TLE6: variants seen among roughly 807,000 people sequenced by gnomAD.
TLE6 encodes transducin-like enhancer protein 6.
TLE6 carries 72 observed loss-of-function variants against 77.1 expected under a neutral mutation model. The observed-to-expected ratio is 0.93, with a 90% CI of 0.77 to 1.14. TLE6 has a LOEUF of 1.14. Among genes scored for constraint, TLE6 ranks in the 50% most tolerant of loss-of-function variants. The probability of loss-of-function intolerance (pLI) is 0.00; values close to 1 mark genes in which losing one functional copy is unlikely to be tolerated. For synonymous variants in TLE6, 366 were observed against 287.3 expected (o/e 1.27, Z -2.77); for missense variants, 843 against 747.6 (o/e 1.13, Z -1.49).
intron 3 of TLE6, 129 bp downstream of exon 3, chr19:2,980,311 T>C (rs1355609169): frequency 3.1e-6 from 2 of 649,514 alleles, no homozygotes; most frequent in Non-Finnish European, 5.2e-6. Flanking sequence ...CAGGAAGCCA[T>C]GCAGATACCC....
rs1396227786 is a variant in TLE6, at chr19:2,988,140, C to T, written c.740+12C>T. 9 of 1,551,528 alleles carry T rather than the reference C, an allele frequency of 5.8e-6. No individual in the cohort carries two copies. In the South Asian group the frequency reaches 1.1e-4, roughly 18 times the overall value. On this transcript the variant is annotated intron_variant, in intron 11 of 16. Coordinates refer to ENST00000246112, the MANE Select transcript of TLE6 (RefSeq NM_001143986.2). ...TTTCTACAGTCCATGTAAGTGTCTG[C>T]ACTGTTTGCTTTTGGGCGGGGTGAG...
chr19:2,983,887 G>T (rs909031389), intron 5 of TLE6: 3 of 152,644 alleles, frequency 2.0e-5, no homozygotes, highest in African/African-American at 7.2e-5. Flanking sequence ...GAACTTGACC[G>T]CAGCTGCTGA....
chr19:2,991,037 C>CATACATATATAT (rs2089041999), intron 13 of TLE6, among the ~76,000 whole-genome samples: 1 of 72,842 alleles, frequency 1.4e-5, no homozygotes, highest in Admixed American at 1.1e-4. Flanking sequence ...TACATACATA[C>CATACATATATAT]ATACATATAT....
intron 12 of TLE6, 57 bp downstream of exon 12, chr19:2,989,370 G>A (rs2088991063): frequency 5.6e-6 from 9 of 1,601,362 alleles, no homozygotes; most frequent in Non-Finnish European, 7.7e-6. Flanking sequence ...GGGGTTTGAG[G>A]TTTGAGTCTG....
At chr19:2,979,617 C>T (rs189416555) in intron 2 of TLE6, among the ~76,000 whole-genome samples, 39 of 151,942 alleles carry the variant, frequency 2.6e-4, no homozygotes, top group African/African-American at 8.0e-4. Context: ...AGACTTTAGG[C>T]CAAAGTGCAA....
At position 2,989,741 on chromosome 19, in the gene TLE6, T is replaced by C; in HGVS notation, c.1200T>C (p.Ser400=). The C allele has an allele frequency of 6.2e-7, 1 of 1,614,080 alleles. No homozygotes were observed. Among genetic ancestry groups the C allele is most frequent in the Non-Finnish European group, 8.5e-7 (1 of 1,180,006 alleles). Residue 400 remains serine, a synonymous_variant, in exon 13 of 17, where the codon AGT becomes AGC. Transcript: ENST00000246112. The part of the protein sequence containing the change: ...DANLAFASFT[S]GVVRIWDLRD... ...ACCTGGCCTTCGCCAGCTTCACCAG[T>C]GGTGTGGTCAGGATCTGGGACCTGC...
chr19:2,978,241 C>G lies in TLE6; in HGVS notation c.8C>G (p.Ser3Cys). 3 of 1,551,482 alleles carry G rather than the reference C, an allele frequency of 1.9e-6. No individual in the cohort carries two copies. The highest frequency in any genetic ancestry group is 2.6e-6 in the Non-Finnish European group (3 of 1,146,958). The change falls in exon 2 of 17, where the codon TCT (serine) becomes TGT (cysteine). Residue 3 changes from serine (S) to cysteine (C), a missense_variant. Coordinates refer to ENST00000246112, the MANE Select transcript of TLE6 (RefSeq NM_001143986.2). The stretch of plus-strand genomic sequence containing the variant: ...GAGGCTACTGCCTTGAAGATGACCT[C>G]TAGGGACCAGCCCAGACCCAAGGGC... MT[S>C]RDQPRPKGPP...
At chr19:2,977,985 C>T (rs1033098273) in intron 1 of TLE6, among the ~76,000 whole-genome samples, 3 of 152,108 alleles carry the variant, frequency 2.0e-5, no homozygotes, top group African/African-American at 7.2e-5. Flanking sequence ...AGGCAAGGCT[C>T]AGTTCTTTCT....
At chr19:2,989,909 C>G (rs1371069724) in intron 13 of TLE6, 124 bp downstream of exon 13, 1 of 1,355,782 alleles carries the variant, frequency 7.4e-7, no homozygotes, top group South Asian at 1.4e-5. Flanking sequence ...ATATAGCACT[C>G]TCCCAGCCAA....
At chr19:2,993,934 AAAAAAAAAG>A (rs887517388) in intron 15 of TLE6, 76 bp from the exon 16 acceptor site, 21 of 922,684 alleles carry the variant, frequency 2.3e-5, no homozygotes, top group African/African-American at 2.0e-4. Context: ...AAAAAAAAAA[AAAAAAAAAG>A]GTGGGTGGGG....
chr19:2,991,226 GCC>G (rs1221670231), intron 13 of TLE6, among the ~76,000 whole-genome samples: 13 of 151,122 alleles, frequency 8.6e-5, no homozygotes, highest in African/African-American at 3.2e-4. Flanking sequence ...AGGCGTGGTG[GCC>G]CATGCCTGTA....
chr19:2,989,495 C>T lies in TLE6; in HGVS notation c.994-40C>T, dbSNP rs762208046. On this transcript the variant is annotated intron_variant, in intron 12 of 16. Transcript: ENST00000246112. ...AGGCAAAGCAGTCCAGGCAGAATGC[C>T]ACGGGGGGCGACAGCTCACAGTGAC... 7 of 1,590,126 alleles carry T rather than the reference C, an allele frequency of 4.4e-6. No homozygotes were observed. In the East Asian group the frequency reaches 9.0e-5, roughly 20 times the overall value.
At chr19:2,993,616 T>G (rs1415955374) in intron 15 of TLE6, 34 bp downstream of exon 15, 5 of 1,529,172 alleles carry the variant, frequency 3.3e-6, no homozygotes, top group Non-Finnish European at 3.5e-6. Flanking sequence ...GGGACTCCCC[T>G]GCAGCCCCCA....
In TLE6 at chr19:2,994,037, T is replaced by C. The variant is rs746651067; in HGVS notation, c.1556T>C (p.Val519Ala). The stretch of plus-strand genomic sequence containing the variant: ...CTCCCAGGCCAGTGGTGGGCAAGCG[T>C]TGGAATGGACGACTTCCTTGGCGTC... Reference protein sequence around the residue: ...FSPFGQWWASVGMDDFLGVYS... With the variant: ...FSPFGQWWASAGMDDFLGVYS... The change falls in exon 16 of 17, where the codon GTT becomes GCT. Residue 519 changes from valine (V) to alanine (A), a missense_variant. Val to Ala is a moderately conservative substitution (Grantham distance 64). Transcript: ENST00000246112. 42 of 1,606,616 alleles carry C rather than the reference T, an allele frequency of 2.6e-5. No homozygotes were observed. Among genetic ancestry groups the C allele is most frequent in the Non-Finnish European group, 3.2e-5 (38 of 1,177,426 alleles).
chr19:2,994,815 A>G (rs2089172518), intron 16 of TLE6, 85 bp from the exon 17 acceptor site: 2 of 731,892 alleles, frequency 2.7e-6, no homozygotes, highest in East Asian at 5.7e-5. Context: ...CTTTGAAGAG[A>G]CGATGCTTCA....
intron 8 of TLE6, 37 bp downstream of exon 8, chr19:2,987,409 G>A: frequency 1.2e-6 from 2 of 1,612,524 alleles, no homozygotes; most frequent in Non-Finnish European, 1.7e-6. Flanking sequence ...AGAGGGGTGG[G>A]CTTCCGGGCA....
In TLE6 at chr19:2,989,622, G is replaced by A. The variant is rs759958804; in HGVS notation, c.1081G>A (p.Val361Met). 71 of 1,614,026 alleles carry A rather than the reference G, an allele frequency of 4.4e-5. No individual in the cohort carries two copies. Among genetic ancestry groups the A allele is most frequent in the Middle Eastern group, 3.3e-4 (2 of 6,066 alleles). Residue 361 changes from valine (V) to methionine (M), a missense_variant, in exon 13 of 17, where the codon GTG becomes ATG. Val to Met is a conservative substitution (Grantham distance 21). Transcript: ENST00000246112. ...TGGCTACAACCTGGCCAGCGTGAGC[G>A]TGTGGGACCTGGCGGCGCCCTCCCT... The part of the protein sequence containing the change: ...TGGYNLASVS[V>M]WDLAAPSLHV...
Position 2,987,249 on chromosome 19 carries a change from C to T in TLE6, c.541+11C>T. ...AGCCCAGAGACAGACGTGAGTGTCCCTGAGGGTGAGGGGGAAGGGGCAGCC... is the reference window on the plus strand; with the variant it reads ...AGCCCAGAGACAGACGTGAGTGTCCTTGAGGGTGAGGGGGAAGGGGCAGCC... On this transcript the variant is annotated intron_variant, in intron 7 of 16. Transcript: ENST00000246112. 6.2e-7 allele frequency: 1 copy of T among 1,614,140 alleles called. No homozygotes were observed. The highest frequency in any genetic ancestry group is 8.5e-7 in the Non-Finnish European group (1 of 1,179,992).
intron 5 of TLE6, among the ~76,000 whole-genome samples, chr19:2,982,948 T>C (rs1437863646): frequency 1.3e-5 from 2 of 151,906 alleles, no homozygotes; most frequent in African/African-American, 4.8e-5. Flanking sequence ...TGAGGGGAGC[T>C]CTGCATGGGA....
Sources: gnomAD v4.1 joint callset for allele counts (sites outside exome capture counted in the v4.1 genomes callset) on GRCh38, gnomAD v4.1.1 for gene constraint, MANE v1.5 for transcripts, NCBI Gene and HGNC (gene_info 2026-07-23, HGNC 2026-07-21) for gene names.